The following DNAJC3 variants were observed in gnomAD, a reference collection of about 807,000 sequenced individuals.
The protein encoded by DNAJC3 is DnaJ heat shock protein family (Hsp40) member C3, also known as dnaJ homolog subfamily C member 3.
A neutral mutation model predicts 68.6 loss-of-function variants in DNAJC3; 38 were observed. The ratio of observed to expected loss-of-function variants is 0.55; its 90% CI spans 0.43 to 0.73. DNAJC3 has a LOEUF of 0.73. Among genes scored for constraint, DNAJC3 ranks in the 30% least tolerant of loss-of-function variants. The pLI is 0.00. For synonymous variants in DNAJC3, 203 were observed against 204.0 expected (o/e 1.00, Z 0.04); for missense variants, 526 against 591.9 (o/e 0.89, Z 1.16).
intron 1 of DNAJC3, among the ~76,000 whole-genome samples, 182 bp downstream of exon 1, chr13:95,677,519 G>T (rs2139591758): frequency 6.6e-6 from 1 of 152,324 alleles, no homozygotes; most frequent in East Asian, 1.9e-4. Context: ...GGGAAGAATC[G>T]AGGGGACTGG....
At chr13:95,689,230 T>TC (rs1880160744) in intron 1 of DNAJC3, among the ~76,000 whole-genome samples, 1 of 148,302 alleles carries the variant, frequency 6.7e-6, no homozygotes, top group Admixed American at 6.7e-5. Flanking sequence ...GTCCTGGGCT[T>TC]TTTTTTTTTT....
chr13:95,772,310 C>A (rs1302612293), intron 9 of DNAJC3, among the ~76,000 whole-genome samples: 2 of 152,168 alleles, frequency 1.3e-5, no homozygotes, highest in Admixed American at 6.5e-5. Context: ...GACACTTCAG[C>A]TGACTTTTTT....
intron 4 of DNAJC3, among the ~76,000 whole-genome samples, chr13:95,733,480 C>T (rs1881780895): frequency 6.6e-6 from 1 of 152,126 alleles, no homozygotes; most frequent in Admixed American, 6.6e-5. Flanking sequence ...CAACCTCCAC[C>T]TCCTGGGTTC....
intron 1 of DNAJC3, chr13:95,693,084 T>C (rs899695684): frequency 6.6e-6 from 1 of 151,752 alleles, no homozygotes; most frequent in Non-Finnish European, 1.5e-5. Context: ...CCTCCCAAAG[T>C]GTTAGGATTA....
At chr13:95,788,709 T>G (rs545908054) in intron 11 of DNAJC3, among the ~76,000 whole-genome samples, 28 of 152,342 alleles carry the variant, frequency 1.8e-4, no homozygotes, top group African/African-American at 6.3e-4. Flanking sequence ...TGAATATAGC[T>G]GAATTCACTT....
chr13:95,770,556 C>G (rs977695483), intron 9 of DNAJC3, among the ~76,000 whole-genome samples: 1 of 152,188 alleles, frequency 6.6e-6, no homozygotes, highest in African/African-American at 2.4e-5. Flanking sequence ...ATGTATAGAG[C>G]ATGTTAGCGT....
At chr13:95,689,561 CTTTTTCTTTT>C (rs1417378461) in intron 1 of DNAJC3, among the ~76,000 whole-genome samples, 2 of 151,144 alleles carry the variant, frequency 1.3e-5, no homozygotes, top group Non-Finnish European at 3.0e-5. Context: ...TTTGTAGATC[CTTTTTCTTTT>C]TTTTTCTTTT....
At chr13:95,738,582 CTTCTTTG>C (rs1348336664) in intron 4 of DNAJC3, among the ~76,000 whole-genome samples, 1 of 152,140 alleles carries the variant, frequency 6.6e-6, no homozygotes, top group Non-Finnish European at 1.5e-5. Context: ...ATGTCATGGC[CTTCTTTG>C]TCTCTTTTGA....
intron 1 of DNAJC3, among the ~76,000 whole-genome samples, chr13:95,702,843 A>G (rs1880620403): frequency 6.6e-6 from 1 of 152,240 alleles, no homozygotes; most frequent in Non-Finnish European, 1.5e-5. Context: ...CCATACCCTA[A>G]TGGAGAAGAC....
intron 1 of DNAJC3, among the ~76,000 whole-genome samples, chr13:95,706,396 C>T (rs1306705121): frequency 6.6e-6 from 1 of 152,206 alleles, no homozygotes; most frequent in African/African-American, 2.4e-5. Flanking sequence ...TGTTATATTT[C>T]ACCCTCCTGG....
chr13:95,729,944 C>G (rs894520626), intron 4 of DNAJC3, among the ~76,000 whole-genome samples: 2 of 152,116 alleles, frequency 1.3e-5, no homozygotes, highest in Non-Finnish European at 2.9e-5. Flanking sequence ...TTTCTGTAGT[C>G]AACAGCTTGT....
chr13:95,691,862 G>A (rs766688383), intron 1 of DNAJC3, among the ~76,000 whole-genome samples: 13 of 152,250 alleles, frequency 8.5e-5, no homozygotes, highest in Non-Finnish European at 1.6e-4. Context: ...AGACCAGCCC[G>A]GCCAACACAG....
At chr13:95,707,338 A>G (rs534083338) in intron 1 of DNAJC3, among the ~76,000 whole-genome samples, 6 of 152,240 alleles carry the variant, frequency 3.9e-5, no homozygotes, top group African/African-American at 1.2e-4. Flanking sequence ...AGTGCTCTCA[A>G]AAGAACCCAC....
intron 9 of DNAJC3, among the ~76,000 whole-genome samples, chr13:95,771,998 C>G (rs1188382907): frequency 1.3e-5 from 2 of 152,170 alleles, no homozygotes; most frequent in Non-Finnish European, 2.9e-5. Context: ...AGTTGGCAGA[C>G]TTTTCCTATA....
intron 9 of DNAJC3, among the ~76,000 whole-genome samples, chr13:95,773,731 C>CTTTT (rs143145399): frequency 6.6e-4 from 47 of 71,324 alleles, no homozygotes; most frequent in African/African-American, 1.4e-3. Context: ...TTTTGTTGGT[C>CTTTT]TTTTTTTTTT....
At chr13:95,783,396 TAG>T (rs1434278088) in intron 9 of DNAJC3, among the ~76,000 whole-genome samples, 4 of 152,214 alleles carry the variant, frequency 2.6e-5, no homozygotes, top group Admixed American at 2.6e-4. Flanking sequence ...GTTTTAAATA[TAG>T]AGTCTGCACA....
intron 10 of DNAJC3, among the ~76,000 whole-genome samples, chr13:95,786,745 T>C (rs993417562): frequency 3.9e-5 from 6 of 152,200 alleles, no homozygotes; most frequent in Admixed American, 3.9e-4. Flanking sequence ...GATGTACCTT[T>C]TTTAAAAAAG....
intron 4 of DNAJC3, among the ~76,000 whole-genome samples, chr13:95,754,824 T>C (rs1302582728): frequency 6.6e-6 from 1 of 152,140 alleles, no homozygotes; most frequent in African/African-American, 2.4e-5. Flanking sequence ...GTGTTTTTAT[T>C]TGAGGCGCCA....
intron 9 of DNAJC3, among the ~76,000 whole-genome samples, chr13:95,780,629 G>A (rs1319671528): frequency 6.6e-6 from 1 of 152,134 alleles, no homozygotes; most frequent in African/African-American, 2.4e-5. Context: ...CACCCTGTCT[G>A]TTTACCTTGT....
Sources: allele counts gnomAD v4.1 joint callset (sites outside exome capture counted in the v4.1 genomes callset), GRCh38; gene constraint gnomAD v4.1.1; transcripts MANE v1.5; gene names NCBI Gene and HGNC (gene_info 2026-07-23, HGNC 2026-07-21).